The following PDPR variants were observed in gnomAD, a reference collection of about 807,000 sequenced individuals.
The protein encoded by PDPR is pyruvate dehydrogenase phosphatase regulatory subunit, mitochondrial.
A neutral mutation model predicts 102.2 loss-of-function variants in PDPR; 50 were observed. That is an observed-to-expected ratio of 0.49 (90% CI 0.39 to 0.62). PDPR has a LOEUF of 0.62. Ranked by LOEUF, PDPR falls within the 20% of genes least tolerant of loss-of-function variation. The probability of loss-of-function intolerance (pLI) is 0.00; values close to 1 mark genes in which losing one functional copy is unlikely to be tolerated. For missense variants in PDPR, 625 were observed against 1,098.2 expected, an observed-to-expected ratio of 0.57 and a Z score of 6.09; for synonymous variants, 259 against 406.0, an observed-to-expected ratio of 0.64 and a Z score of 4.35.
At chr16:70,129,694 T>G (rs1964341853) in intron 6 of PDPR, among the ~76,000 whole-genome samples, 1 of 152,278 alleles carries the variant, frequency 6.6e-6, no homozygotes, top group African/African-American at 2.4e-5. Context: ...GCCACAGGAC[T>G]TGAGAAGCTC....
intron 16 of PDPR, chr16:70,147,611 G>C (rs1412427452): frequency 4.5e-6 from 2 of 448,174 alleles, no homozygotes; most frequent in East Asian, 7.0e-5. Flanking sequence ...TCCCCAGGAA[G>C]CTGCTGATTA....
At chr16:70,130,229 A>T (rs1415110764) in intron 6 of PDPR, among the ~76,000 whole-genome samples, 194 bp from the exon 7 acceptor site, 2 of 152,356 alleles carry the variant, frequency 1.3e-5, no homozygotes, top group South Asian at 4.1e-4. Flanking sequence ...GGAGGCAGAG[A>T]GCGAGCCAAG....
chr16:70,116,280 C>G (rs1186956993), intron 2 of PDPR, among the ~76,000 whole-genome samples: 1 of 136,224 alleles, frequency 7.3e-6, no homozygotes, highest in Non-Finnish European at 1.6e-5. Context: ...TTTCACCATG[C>G]TGATCAGGCT....
At chr16:70,121,998 T>C (rs1213540251) in intron 3 of PDPR, among the ~76,000 whole-genome samples, 18 of 152,332 alleles carry the variant, frequency 1.2e-4, no homozygotes, top group Non-Finnish European at 1.9e-4. Context: ...TTCTTTCTTT[T>C]TTTTTTGAAA....
intron 15 of PDPR, 65 bp downstream of exon 15, chr16:70,144,598 T>G (rs1424977567): frequency 2.6e-5 from 13 of 504,336 alleles, no homozygotes; most frequent in Non-Finnish European, 4.0e-5. Flanking sequence ...CACGTTTGCC[T>G]TCTTTACATT....
chr16:70,136,079 A>G, intron 9 of PDPR, 115 bp from the exon 10 acceptor site: 1 of 930,706 alleles, frequency 1.1e-6, no homozygotes, highest in Non-Finnish European at 1.6e-6. Flanking sequence ...AAAAAAAAAA[A>G]AAAAAAAAAT....
chr16:70,156,621 G>T lies in PDPR; in HGVS notation c.2382G>T (p.Gln794His). 2 of 1,614,118 alleles carry T rather than the reference G, an allele frequency of 1.2e-6. No homozygotes were observed. Among genetic ancestry groups the T allele is most frequent in the Non-Finnish European group, 1.7e-6 (2 of 1,179,914 alleles). Residue 794 changes from glutamine to histidine, a missense_variant, in exon 19 of 19, where the codon CAG (glutamine) becomes CAT (histidine). This residue lies in a region of PDPR where 303 missense variants were observed against 258.9 expected (regional missense o/e 1.17). Transcript: ENST00000288050. ...WWGEPIYRNG[Q>H]YVGKTTSSAY... is the part of the protein sequence containing the mutation. ...GAGAGCCCATTTACCGGAATGGGCAGTATGTTGGCAAGACCACCAGCAGTG... is the reference window on the plus strand; with the variant it reads ...GAGAGCCCATTTACCGGAATGGGCATTATGTTGGCAAGACCACCAGCAGTG...
intron 11 of PDPR, among the ~76,000 whole-genome samples, chr16:70,140,706 T>C (rs1266396369): frequency 1.3e-5 from 2 of 152,188 alleles, no homozygotes; most frequent in Admixed American, 6.5e-5. Flanking sequence ...TCCCAGCTAC[T>C]TGGCAGGCTG....
At chr16:70,138,207 ATTTTTTT>A (rs1201065640) in intron 10 of PDPR, among the ~76,000 whole-genome samples, 79 of 94,032 alleles carry the variant, frequency 8.4e-4, no homozygotes, top group East Asian at 1.4e-3. Flanking sequence ...ACGCCGGCTA[ATTTTTTT>A]TTTTTTTTTT....
intron 9 of PDPR, among the ~76,000 whole-genome samples, chr16:70,135,251 T>TA (rs397955333): frequency 6.6e-6 from 1 of 152,018 alleles, no homozygotes; most frequent in Non-Finnish European, 1.5e-5. Context: ...TTTTTTTTTT[T>TA]CCTGAGATGG....
chr16:70,161,273 T>A lies in PDPR; in HGVS notation c.*4394T>A, dbSNP rs1967759208. 1 of 142,512 alleles carries A rather than the reference T, an allele frequency of 7.0e-6. No individual in the cohort carries two copies. Among genetic ancestry groups the A allele is most frequent in the African/African-American group, 2.6e-5 (1 of 38,364 alleles). 8.8% of individuals were successfully genotyped at this position (142,512 alleles called of 1,614,324 possible). ...TCCAGCCTGGGTAACAGAGTGAGACTCTTGTCTCAAAAAAAAAAAAAAAAA... is the reference window on the plus strand; with the variant it reads ...TCCAGCCTGGGTAACAGAGTGAGACACTTGTCTCAAAAAAAAAAAAAAAAA... On this transcript the variant is annotated 3_prime_UTR_variant, in exon 19 of 19. Transcript: ENST00000288050.
intron 17 of PDPR, among the ~76,000 whole-genome samples, chr16:70,150,156 T>G (rs1408101970): frequency 7.4e-6 from 1 of 134,576 alleles, no homozygotes; most frequent in African/African-American, 2.9e-5. Flanking sequence ...CAGGCTGGAG[T>G]GCGATGACAT....
At chr16:70,145,294 C>A (rs564516631) in intron 15 of PDPR, among the ~76,000 whole-genome samples, 1 of 152,230 alleles carries the variant, frequency 6.6e-6, no homozygotes, top group Admixed American at 6.5e-5. Flanking sequence ...CCCGCCACCA[C>A]GCCGGGCTAA....
intron 9 of PDPR, among the ~76,000 whole-genome samples, chr16:70,134,326 A>G (rs1287796041): frequency 6.6e-6 from 1 of 152,066 alleles, no homozygotes; most frequent in Non-Finnish European, 1.5e-5. Context: ...CCTGGATTCA[A>G]GCAATTCTCC....
intron 17 of PDPR, among the ~76,000 whole-genome samples, chr16:70,152,735 C>T (rs1197369126): frequency 6.6e-6 from 1 of 152,252 alleles, no homozygotes; most frequent in Non-Finnish European, 1.5e-5. Flanking sequence ...TTAAACTTAA[C>T]AGCGTATGTT....
intron 2 of PDPR, among the ~76,000 whole-genome samples, chr16:70,116,788 C>T (rs543701641): frequency 6.6e-5 from 10 of 152,248 alleles, no homozygotes; most frequent in Admixed American, 3.3e-4. Flanking sequence ...ATGATCTACC[C>T]GCCTCGGCCT....
At chr16:70,149,267 C>T (rs1482241267) in intron 17 of PDPR, among the ~76,000 whole-genome samples, 1 of 145,144 alleles carries the variant, frequency 6.9e-6, no homozygotes, top group African/African-American at 2.6e-5. Context: ...TTTCACTTCA[C>T]AATTTTTTTT....
rs1221354132 is a variant in PDPR, at chr16:70,156,482, A to G, written c.2243A>G (p.Asp748Gly). ...GTTTCCTTTCTTTCTTAGGGCATGG[A>G]TTTCATTGGTCGCGACGCCCTCCTG... ...ESRVKLEKGM[D>G]FIGRDALLQQ... The change falls in exon 19 of 19, where the codon GAT (aspartate) becomes GGT (glycine). Residue 748 changes from aspartate (D) to glycine (G), a missense_variant. This residue lies in a region of PDPR where 303 missense variants were observed against 258.9 expected (regional missense o/e 1.17). Transcript: ENST00000288050. 16 of 1,612,632 alleles carry G rather than the reference A, an allele frequency of 9.9e-6. No individual in the cohort carries two copies. The highest frequency in any genetic ancestry group is 1.7e-5 in the Admixed American group (1 of 59,936).
chr16:70,157,632 T>A lies in PDPR; in HGVS notation c.*753T>A, dbSNP rs1168497699. On this transcript the variant is annotated 3_prime_UTR_variant, in exon 19 of 19. Transcript: ENST00000288050. ...TTTCTTTCTTAGTTGAGTAAACAAG[T>A]AAGCCACAGTGTTTGAAAGGGAAAA... 1.7e-5 allele frequency: 3 copies of A among 173,036 alleles called. No homozygotes were observed. The highest frequency in any genetic ancestry group is 1.7e-4 in the Admixed American group (3 of 17,802). 10.7% of individuals were successfully genotyped at this position (173,036 alleles called of 1,614,324 possible). A position where few individuals can be genotyped will look rare whatever the true frequency, so the allele number is the denominator to read the frequency against.
Sources: allele counts gnomAD v4.1 joint callset (sites outside exome capture counted in the v4.1 genomes callset), GRCh38; gene constraint gnomAD v4.1.1; regional missense constraint gnomAD v4.1.1; transcripts MANE v1.5; gene names NCBI Gene and HGNC (gene_info 2026-07-23, HGNC 2026-07-21).